DLG2: variants seen among roughly 807,000 people sequenced by gnomAD.
The protein encoded by DLG2 is disks large homolog 2.
A neutral mutation model predicts 132.5 loss-of-function variants in DLG2; 45 were observed. The observed-to-expected ratio is 0.34, with a 90% CI of 0.27 to 0.44. The LOEUF (loss-of-function observed/expected upper bound fraction) is 0.44. DLG2 is among the 20% of genes least tolerant of loss of function. The probability of loss-of-function intolerance (pLI) is 1.00; values close to 1 mark genes in which losing one functional copy is unlikely to be tolerated. For missense variants in DLG2, 1,045 were observed against 1,196.9 expected (o/e 0.87, Z 1.87); for synonymous variants, 424 against 419.6 (o/e 1.01, Z -0.13).
chr11:84,154,863 G>A (rs1278562557), intron 9 of DLG2, among the ~76,000 whole-genome samples: 1 of 152,158 alleles, frequency 6.6e-6, no homozygotes, highest in South Asian at 2.1e-4. Context: ...ATTCCATGGT[G>A]TATATGTGCC....
chr11:83,979,629 A>G (rs529313726), intron 12 of DLG2, among the ~76,000 whole-genome samples: 1 of 152,306 alleles, frequency 6.6e-6, no homozygotes, highest in East Asian at 1.9e-4. Context: ...GCCTAGGACT[A>G]CTGAAGCATG....
intron 11 of DLG2, among the ~76,000 whole-genome samples, chr11:83,990,371 G>T (rs2093637399): frequency 6.6e-6 from 1 of 152,114 alleles, no homozygotes; most frequent in Non-Finnish European, 1.5e-5. Flanking sequence ...CATAAGAAAT[G>T]CAGGCATAAG....
At chr11:84,131,307 A>C (rs761326809) in intron 9 of DLG2, among the ~76,000 whole-genome samples, 1 of 151,962 alleles carries the variant, frequency 6.6e-6, no homozygotes, top group South Asian at 2.1e-4. Flanking sequence ...TAAAGTTCCA[A>C]TGTTCTAATG....
At chr11:85,003,624 T>C (rs556448277) in intron 6 of DLG2, among the ~76,000 whole-genome samples, 8 of 152,236 alleles carry the variant, frequency 5.3e-5, no homozygotes, top group South Asian at 2.1e-4. Flanking sequence ...TTACTTCAGC[T>C]TGAGAAAAAA....
At chr11:85,210,972 T>C (rs768755717) in intron 4 of DLG2, among the ~76,000 whole-genome samples, 6 of 152,140 alleles carry the variant, frequency 3.9e-5, no homozygotes, top group Admixed American at 2.6e-4. Flanking sequence ...CTCATTCTTA[T>C]ACCATCTAAT....
intron 7 of DLG2, among the ~76,000 whole-genome samples, chr11:84,436,019 G>A (rs956061299): frequency 8.6e-5 from 13 of 152,044 alleles, no homozygotes; most frequent in Non-Finnish European, 1.8e-4. Flanking sequence ...CCACTTACAA[G>A]TCTCTTTCCT....
chr11:84,844,107 G>A (rs1247542871), intron 6 of DLG2, among the ~76,000 whole-genome samples: 2 of 76,274 alleles, frequency 2.6e-5, no homozygotes, highest in African/African-American at 1.0e-4. Flanking sequence ...ATATATGTTT[G>A]TGTGTGTGTG....
At chr11:85,505,733 TG>T (rs2093915468) in intron 3 of DLG2, among the ~76,000 whole-genome samples, 1 of 152,214 alleles carries the variant, frequency 6.6e-6, no homozygotes, top group Non-Finnish European at 1.5e-5. Context: ...GCTGGCCTCA[TG>T]AAATGAGTTA....
chr11:83,785,378 T>C (rs2095010953), intron 18 of DLG2, among the ~76,000 whole-genome samples: 3 of 152,124 alleles, frequency 2.0e-5, no homozygotes, highest in Admixed American at 2.0e-4. Flanking sequence ...TTTAAAGCAT[T>C]TGTCCCTACT....
intron 6 of DLG2, among the ~76,000 whole-genome samples, chr11:84,666,571 C>T (rs61141505): frequency 2.0e-5 from 3 of 151,856 alleles, no homozygotes; most frequent in Admixed American, 1.3e-4. Flanking sequence ...TATTTAGGGA[C>T]CCTCTCCTCA....
intron 8 of DLG2, among the ~76,000 whole-genome samples, chr11:84,214,170 A>T (rs956994040): frequency 1.4e-5 from 2 of 138,704 alleles, no homozygotes; most frequent in Admixed American, 6.9e-5. Flanking sequence ...TCAGCTATCA[A>T]TTCAGAGCCA....
intron 3 of DLG2, among the ~76,000 whole-genome samples, chr11:85,508,076 C>G (rs1164648186): frequency 1.3e-5 from 2 of 152,126 alleles, no homozygotes; most frequent in African/African-American, 4.8e-5. Flanking sequence ...AAGGTCTTCT[C>G]TATGCTGTTT....
intron 11 of DLG2, among the ~76,000 whole-genome samples, chr11:84,011,449 T>C (rs921558116): frequency 6.6e-6 from 1 of 151,932 alleles, no homozygotes; most frequent in Non-Finnish European, 1.5e-5. Context: ...CCAGCTTGGG[T>C]GACAGAGTAA....
chr11:85,540,769 G>T (rs114491905), intron 3 of DLG2, among the ~76,000 whole-genome samples: 2 of 152,230 alleles, frequency 1.3e-5, no homozygotes, highest in Non-Finnish European at 2.9e-5. Flanking sequence ...AACCTTAGAC[G>T]CTGCTGTGGG....
intron 3 of DLG2, among the ~76,000 whole-genome samples, chr11:85,497,859 T>G (rs1597950506): frequency 6.6e-6 from 1 of 152,116 alleles, no homozygotes; most frequent in Non-Finnish European, 1.5e-5. Context: ...AAATAAAATC[T>G]TTTACAGACA....
intron 6 of DLG2, among the ~76,000 whole-genome samples, chr11:84,878,150 G>A (rs1216824953): frequency 6.6e-6 from 1 of 152,190 alleles, no homozygotes; most frequent in Non-Finnish European, 1.5e-5. Context: ...GGAAGACAGT[G>A]TGGTGACTCC....
intron 3 of DLG2, among the ~76,000 whole-genome samples, chr11:85,504,174 C>A (rs1325678189): frequency 6.6e-6 from 1 of 152,130 alleles, no homozygotes; most frequent in Non-Finnish European, 1.5e-5. Context: ...CCTGTTCACT[C>A]TGATGGTAGT....
At chr11:84,709,991 C>T (rs2060199838) in intron 6 of DLG2, among the ~76,000 whole-genome samples, 2 of 151,940 alleles carry the variant, frequency 1.3e-5, no homozygotes, top group Admixed American at 1.3e-4. Context: ...GGGCCTTCAA[C>T]TTACTGAAGT....
intron 6 of DLG2, among the ~76,000 whole-genome samples, chr11:85,082,110 T>A (rs578094516): frequency 6.6e-6 from 1 of 152,178 alleles, no homozygotes; most frequent in Non-Finnish European, 1.5e-5. Context: ...CTCCCAGATA[T>A]ACATGCCAAA....
Sources: gnomAD v4.1 joint callset for allele counts (sites outside exome capture counted in the v4.1 genomes callset) on GRCh38, gnomAD v4.1.1 for gene constraint, MANE v1.5 for transcripts, NCBI Gene and HGNC (gene_info 2026-07-23, HGNC 2026-07-21) for gene names.